Variants in TESK2 observed in about 807,000 individuals in gnomAD.
TESK2 encodes testis associated actin remodelling kinase 2.
Under a neutral mutation model 57.1 loss-of-function variants are expected in TESK2, and 39 were observed. That is an observed-to-expected ratio of 0.68 (90% CI 0.53 to 0.89). The LOEUF is 0.89. Ranked by LOEUF, TESK2 falls within the 40% of genes least tolerant of loss-of-function variation. The probability of loss-of-function intolerance (pLI) is 0.00; values close to 1 mark genes in which losing one functional copy is unlikely to be tolerated. For missense variants in TESK2, 646 were observed against 732.1 expected (o/e 0.88, Z 1.36); for synonymous variants, 249 against 267.9 (o/e 0.93, Z 0.69).
At chr1:45,424,710 C>A (rs1433227540) in intron 2 of TESK2, among the ~76,000 whole-genome samples, 3 of 152,164 alleles carry the variant, frequency 2.0e-5, no homozygotes, top group Non-Finnish European at 4.4e-5. Flanking sequence ...ATGAAAAGAT[C>A]ATTCATCCTG....
At chr1:45,419,585 T>C (rs1650380591) in intron 3 of TESK2, among the ~76,000 whole-genome samples, 1 of 151,686 alleles carries the variant, frequency 6.6e-6, no homozygotes, top group South Asian at 2.1e-4. Flanking sequence ...GCAGGTGGAT[T>C]ACCTGAGGTC....
At position 45,345,092 on chromosome 1, in the gene TESK2, A is replaced by C; in HGVS notation, c.1464T>G (p.Ser488Arg). The change falls in exon 11 of 11, where the codon AGT becomes AGG. Residue 488 changes from serine to arginine, a missense_variant. Coordinates refer to ENST00000372086, the MANE Select transcript of TESK2 (RefSeq NM_007170.3). ...LSDGPPPRLS[S>R]LKYRVKEIPP... ...GGATCTCTTTAACTCTGTACTTGAGACTACTTAGGCGTGGTGGGGGCCCAT... is the reference window on the plus strand; with the variant it reads ...GGATCTCTTTAACTCTGTACTTGAGCCTACTTAGGCGTGGTGGGGGCCCAT... 1 of 1,614,160 alleles carries C rather than the reference A, an allele frequency of 6.2e-7. No individual in the cohort carries two copies. The highest frequency in any genetic ancestry group is 1.3e-5 in the African/African-American group (1 of 75,060).
chr1:45,381,015 T>C (rs1159350159), intron 4 of TESK2, among the ~76,000 whole-genome samples: 1 of 152,246 alleles, frequency 6.6e-6, no homozygotes, highest in Non-Finnish European at 1.5e-5. Flanking sequence ...GCAATCCTAC[T>C]TTGGGGAAGT....
intron 10 of TESK2, 94 bp downstream of exon 10, chr1:45,345,783 G>T: frequency 9.1e-7 from 1 of 1,096,624 alleles, no homozygotes; most frequent in Non-Finnish European, 1.4e-6. Flanking sequence ...TTCTGGACCT[G>T]GGATCCTGGC....
At chr1:45,435,153 G>T (rs1190774800) in intron 2 of TESK2, among the ~76,000 whole-genome samples, 1 of 151,618 alleles carries the variant, frequency 6.6e-6, no homozygotes, top group Non-Finnish European at 1.5e-5. Flanking sequence ...TTGAGTCAGG[G>T]TATCACTCTG....
At chr1:45,401,480 TG>T (rs1162382858) in intron 3 of TESK2, among the ~76,000 whole-genome samples, 1 of 152,082 alleles carries the variant, frequency 6.6e-6, no homozygotes, top group Non-Finnish European at 1.5e-5. Context: ...ATGGACCTCC[TG>T]AAGGCTGAAT....
intron 5 of TESK2, among the ~76,000 whole-genome samples, chr1:45,348,350 G>A (rs1647177667): frequency 6.6e-6 from 1 of 152,200 alleles, no homozygotes; most frequent in Admixed American, 6.5e-5. Context: ...GAGAACAACA[G>A]ACTATCAGGC....
At chr1:45,399,030 G>A (rs1470885450) in intron 3 of TESK2, 1 of 416,270 alleles carries the variant, frequency 2.4e-6, no homozygotes, top group Admixed American at 2.9e-5. Context: ...CCACTAGTTA[G>A]TCCACCTGGA....
At chr1:45,473,519 T>C (rs1449974334) in intron 1 of TESK2, among the ~76,000 whole-genome samples, 2 of 152,174 alleles carry the variant, frequency 1.3e-5, no homozygotes, top group African/African-American at 4.8e-5. Flanking sequence ...AACTGTCCAC[T>C]GGATTGGACA....
At chr1:45,456,247 G>C (rs112255313) in intron 2 of TESK2, among the ~76,000 whole-genome samples, 1 of 151,870 alleles carries the variant, frequency 6.6e-6, no homozygotes, top group African/African-American at 2.4e-5. Context: ...GGTTGGGCGC[G>C]GTGGCTCATG....
chr1:45,462,567 C>T (rs902668916), intron 1 of TESK2, among the ~76,000 whole-genome samples: 2 of 152,162 alleles, frequency 1.3e-5, no homozygotes, highest in African/African-American at 2.4e-5. Context: ...CCACCGCGCC[C>T]GGCAGAGGAT....
At chr1:45,469,801 A>C (rs909718547) in intron 1 of TESK2, among the ~76,000 whole-genome samples, 1 of 152,198 alleles carries the variant, frequency 6.6e-6, no homozygotes, top group African/African-American at 2.4e-5. Flanking sequence ...GCCAAATCCC[A>C]ATCATTCTCT....
intron 4 of TESK2, among the ~76,000 whole-genome samples, chr1:45,365,854 T>C (rs1336172116): frequency 6.6e-6 from 1 of 151,916 alleles, no homozygotes; most frequent in East Asian, 1.9e-4. Flanking sequence ...TTTTGTATTT[T>C]TAGTAGAGAT....
At chr1:45,431,834 G>A (rs1650978297) in intron 2 of TESK2, among the ~76,000 whole-genome samples, 1 of 152,188 alleles carries the variant, frequency 6.6e-6, no homozygotes, top group Non-Finnish European at 1.5e-5. Flanking sequence ...AGGAATAAGA[G>A]CATGGGATAT....
chr1:45,467,814 T>C lies in TESK2; in HGVS notation c.-86-9943A>G, dbSNP rs1377015725. 3.9e-5 allele frequency among the ~76,000 whole-genome samples: 6 copies of C among 152,120 alleles called. 1 individual carries two copies. The South Asian group carries it at 6.2e-4, about 16-fold the overall frequency. ...GTTTTTAGTCCTAGGAATATATATA[T>C]CTTAGGCTAAAACTTCAAAATCATG... On this transcript the variant is annotated intron_variant, in intron 1 of 10. Transcript: ENST00000372086.
chr1:45,470,298 G>A (rs1342119367), intron 1 of TESK2, among the ~76,000 whole-genome samples: 1 of 152,132 alleles, frequency 6.6e-6, no homozygotes. Context: ...CCAAACACAT[G>A]GCAAATCTAC....
chr1:45,416,840 G>C (rs919462083), intron 3 of TESK2, among the ~76,000 whole-genome samples: 1 of 151,166 alleles, frequency 6.6e-6, no homozygotes, highest in African/African-American at 2.4e-5. Flanking sequence ...AGGCTGGAGC[G>C]CAGTGGTGCG....
intron 2 of TESK2, among the ~76,000 whole-genome samples, chr1:45,439,790 CA>C (rs1256733284): frequency 1.3e-5 from 2 of 151,938 alleles, no homozygotes; most frequent in Non-Finnish European, 2.9e-5. Context: ...CCCCATCTCT[CA>C]AAAAAATTTA....
intron 2 of TESK2, among the ~76,000 whole-genome samples, chr1:45,446,155 GA>G (rs994899294): frequency 7.4e-6 from 1 of 135,104 alleles, no homozygotes; most frequent in African/African-American, 2.8e-5. Flanking sequence ...AAGCATAGAA[GA>G]AAAAAAACTT....
Sources: allele counts gnomAD v4.1 joint callset (sites outside exome capture counted in the v4.1 genomes callset), GRCh38; gene constraint gnomAD v4.1.1; transcripts MANE v1.5; gene names NCBI Gene and HGNC (gene_info 2026-07-23, HGNC 2026-07-21).